CTNNA2: variants seen among roughly 807,000 people sequenced by gnomAD.
CTNNA2 encodes catenin alpha 2.
A neutral mutation model predicts 101.0 loss-of-function variants in CTNNA2; 42 were observed. The ratio of observed to expected loss-of-function variants is 0.42; its 90% CI spans 0.32 to 0.54. The LOEUF is 0.54. CTNNA2 is among the 20% of genes least tolerant of loss of function. CTNNA2 has a pLI of 0.14. For synonymous variants in CTNNA2, 450 were observed against 456.4 expected, an observed-to-expected ratio of 0.99 and a Z score of 0.18; for missense variants, 871 against 1,223.1, an observed-to-expected ratio of 0.71 and a Z score of 4.29.
chr2:80,325,589 T>G (rs2149253641), intron 7 of CTNNA2, among the ~76,000 whole-genome samples: 1 of 152,342 alleles, frequency 6.6e-6, no homozygotes, highest in South Asian at 2.1e-4. Flanking sequence ...AAATCTTGTT[T>G]AAATAACTGC....
intron 1 of CTNNA2, among the ~76,000 whole-genome samples, chr2:79,625,020 T>C (rs577864533): frequency 6.6e-6 from 1 of 152,284 alleles, no homozygotes; most frequent in Admixed American, 6.5e-5. Flanking sequence ...ATTATAGATG[T>C]GTCATGGAAG....
intron 2 of CTNNA2, among the ~76,000 whole-genome samples, chr2:79,239,447 T>G (rs1180921553): frequency 2.6e-5 from 4 of 152,090 alleles, no homozygotes; most frequent in Admixed American, 2.6e-4. Context: ...TTCTTACATC[T>G]TATACAAAAA....
rs10635965 is a variant in CTNNA2, at chr2:80,483,368, T to TTATATATATA, written c.1291-61604_1291-61595dup. Among the ~76,000 whole-genome samples, 217 of 146,082 alleles carry TTATATATATA rather than the reference T, an allele frequency of 1.5e-3. 1 individual carries two copies. The highest frequency in any genetic ancestry group is 5.0e-3 in the African/African-American group (203 of 40,228). ...GTCCATCTAGAGTCATGTTGTTGTT[T>TTATATATATA]TATATATATATATATATATTTACAT... On this transcript the variant is annotated intron_variant, in intron 9 of 18. Transcript: ENST00000402739.
chr2:80,035,541 A>T (rs17339821), intron 7 of CTNNA2, among the ~76,000 whole-genome samples: 5,978 of 152,288 alleles, frequency 0.039, 167 homozygotes, highest in Non-Finnish European at 0.061. Flanking sequence ...GCTATAGTTC[A>T]CCCAGTGTAT....
intron 3 of CTNNA2, among the ~76,000 whole-genome samples, chr2:79,777,494 C>A (rs1274800538): frequency 6.6e-6 from 1 of 152,004 alleles, no homozygotes; most frequent in Non-Finnish European, 1.5e-5. Flanking sequence ...CTTACCAAGG[C>A]CACAGGTTGA....
chr2:80,192,290 T>C lies in CTNNA2; in HGVS notation c.1057-200921T>C, dbSNP rs144024367. ...GACTGAAGTTAGAAACTAGGACACC[T>C]TTCTTCTAATTCAAAGTTGTTTTCA... is the stretch of plus-strand genomic sequence containing the variant. On this transcript the variant is annotated intron_variant, in intron 7 of 18. Coordinates refer to ENST00000402739, the MANE Select transcript of CTNNA2 (RefSeq NM_001282597.3). Among the ~76,000 whole-genome samples the C allele has an allele frequency of 2.1e-3, 315 of 152,304 alleles. 1 individual carries two copies. Among genetic ancestry groups the C allele is most frequent in the African/African-American group, 7.3e-3 (304 of 41,572 alleles).
In CTNNA2 at chr2:80,141,739, A is replaced by G. The variant is rs887142615; in HGVS notation, c.1056+231942A>G. Among the ~76,000 whole-genome samples the G allele has an allele frequency of 5.3e-5, 8 of 152,244 alleles. No homozygotes were observed. The East Asian group carries it at 1.5e-3, about 29-fold the overall frequency. ...ATTTCATGGGAAATTTCAGGCATCT[A>G]GCTAGCCCTGAGAAGTAAGTGAGCA... On this transcript the variant is annotated intron_variant, in intron 7 of 18. Coordinates refer to ENST00000402739, the MANE Select transcript of CTNNA2 (RefSeq NM_001282597.3).
At chr2:80,200,859 A>G (rs1707156759) in intron 7 of CTNNA2, among the ~76,000 whole-genome samples, 1 of 141,056 alleles carries the variant, frequency 7.1e-6, no homozygotes. Flanking sequence ...TGCCAACCTG[A>G]TAGCCTTGGT....
chr2:80,432,152 G>T (rs1681595617), intron 9 of CTNNA2, among the ~76,000 whole-genome samples: 1 of 151,628 alleles, frequency 6.6e-6, no homozygotes. Context: ...TTTGCTTACA[G>T]TACACCAGGC....
intron 1 of CTNNA2, among the ~76,000 whole-genome samples, chr2:79,616,750 G>A (rs1218937920): frequency 2.6e-5 from 4 of 152,138 alleles, no homozygotes; most frequent in African/African-American, 4.8e-5. Context: ...AAGACTTTCC[G>A]TTTGCCCTTA....
At chr2:79,952,757 T>A (rs553794705) in intron 7 of CTNNA2, among the ~76,000 whole-genome samples, 2 of 152,280 alleles carry the variant, frequency 1.3e-5, no homozygotes, top group Non-Finnish European at 2.9e-5. Flanking sequence ...TAAATAAAGT[T>A]TCATTATGTT....
chr2:79,834,906 C>G (rs1021965503), intron 3 of CTNNA2, among the ~76,000 whole-genome samples: 2 of 151,890 alleles, frequency 1.3e-5, no homozygotes, highest in Non-Finnish European at 2.9e-5. Flanking sequence ...TTTTCCTATT[C>G]TTAGTCAATA....
intron 7 of CTNNA2, among the ~76,000 whole-genome samples, chr2:80,268,104 T>C (rs735719): frequency 0.076 from 11,610 of 152,320 alleles, 604 homozygotes; most frequent in South Asian, 0.29. Context: ...TGGAAACTTC[T>C]ACCAGCCTGA....
At chr2:79,212,560 A>G (rs1674189613) in intron 2 of CTNNA2, among the ~76,000 whole-genome samples, 1 of 152,200 alleles carries the variant, frequency 6.6e-6, no homozygotes, top group Non-Finnish European at 1.5e-5. Context: ...TAAGGGATAT[A>G]AAGGTTTCAC....
intron 7 of CTNNA2, among the ~76,000 whole-genome samples, chr2:80,166,086 A>G (rs1317676430): frequency 2.6e-5 from 4 of 152,160 alleles, no homozygotes; most frequent in Non-Finnish European, 4.4e-5. Context: ...TAAGAAATAT[A>G]TATTTGATCT....
chr2:80,161,496 A>G (rs1225895855), intron 7 of CTNNA2, among the ~76,000 whole-genome samples: 8 of 152,148 alleles, frequency 5.3e-5, no homozygotes, highest in Non-Finnish European at 1.2e-4. Context: ...AAGATTTTAA[A>G]ATTTTAAAAT....
At chr2:79,973,290 G>A (rs1037957806) in intron 7 of CTNNA2, among the ~76,000 whole-genome samples, 5 of 152,120 alleles carry the variant, frequency 3.3e-5, no homozygotes, top group Admixed American at 1.3e-4. Flanking sequence ...AAGCAGGGTA[G>A]GCATGCAGGC....
intron 7 of CTNNA2, among the ~76,000 whole-genome samples, chr2:79,924,042 A>G (rs1208449740): frequency 6.6e-6 from 1 of 152,142 alleles, no homozygotes; most frequent in Admixed American, 6.6e-5. Context: ...TATTCACAAC[A>G]GTCAAGATGT....
intron 4 of CTNNA2, among the ~76,000 whole-genome samples, chr2:79,411,169 C>T (rs1038616301): frequency 2.8e-4 from 42 of 151,844 alleles, no homozygotes; most frequent in East Asian, 1.7e-3. Flanking sequence ...TTTTTTATCG[C>T]GTCTATTTGA....
Sources: gnomAD v4.1 joint callset for allele counts (sites outside exome capture counted in the v4.1 genomes callset) on GRCh38, gnomAD v4.1.1 for gene constraint, MANE v1.5 for transcripts, NCBI Gene and HGNC (gene_info 2026-07-23, HGNC 2026-07-21) for gene names.